DZANK1: variants seen among roughly 807,000 people sequenced by gnomAD.
DZANK1 encodes the protein double zinc ribbon and ankyrin repeat domains 1.
Under a neutral mutation model 94.5 loss-of-function variants are expected in DZANK1, and 91 were observed. The ratio of observed to expected loss-of-function variants is 0.96; its 90% CI spans 0.81 to 1.15. DZANK1 has a LOEUF of 1.15. Among genes scored for constraint, DZANK1 ranks in the 50% most tolerant of loss-of-function variants. DZANK1 has a pLI of 0.00. For synonymous variants in DZANK1, 312 were observed against 325.3 expected (o/e 0.96, Z 0.44); for missense variants, 903 against 916.4 (o/e 0.99, Z 0.19).
intron 7 of DZANK1, among the ~76,000 whole-genome samples, chr20:18,444,468 A>G (rs2058811246): frequency 6.6e-6 from 1 of 152,214 alleles, no homozygotes; most frequent in African/African-American, 2.4e-5. Flanking sequence ...AGCTGCAGGG[A>G]GAGTTTCAGA....
chr20:18,398,803 T>G (rs561024999), intron 13 of DZANK1, among the ~76,000 whole-genome samples, 177 bp from the exon 14 acceptor site: 1 of 152,346 alleles, frequency 6.6e-6, no homozygotes, highest in South Asian at 2.1e-4. Flanking sequence ...CCTCCATAAC[T>G]GCTTGTTACA....
chr20:18,450,801 G>A (rs1037727504), intron 6 of DZANK1, among the ~76,000 whole-genome samples: 8 of 152,172 alleles, frequency 5.3e-5, no homozygotes, highest in African/African-American at 1.9e-4. Flanking sequence ...AGGGCTCCTG[G>A]GTTGCCCTTA....
chr20:18,396,624 G>T, intron 14 of DZANK1, 78 bp from the exon 15 acceptor site: 3 of 999,452 alleles, frequency 3.0e-6, no homozygotes, highest in South Asian at 1.7e-5. Context: ...TACAAATTCT[G>T]AGATGTCAAA....
intron 13 of DZANK1, among the ~76,000 whole-genome samples, chr20:18,407,927 A>G (rs1349457454): frequency 6.6e-6 from 1 of 152,228 alleles, no homozygotes; most frequent in Non-Finnish European, 1.5e-5. Flanking sequence ...GCACACCTAT[A>G]AGATCTAGAA....
chr20:18,418,147 T>G (rs1156655614), intron 10 of DZANK1, among the ~76,000 whole-genome samples: 1 of 151,362 alleles, frequency 6.6e-6, no homozygotes, highest in South Asian at 2.1e-4. Context: ...GCAGGTAGAG[T>G]TGCAGCAAGT....
intron 7 of DZANK1, 72 bp downstream of exon 7, chr20:18,448,912 T>C (rs960522901): frequency 8.8e-5 from 106 of 1,206,334 alleles, no homozygotes; most frequent in Non-Finnish European, 1.1e-4. Flanking sequence ...AAATGTCGTA[T>C]CTTTAAATTC....
At chr20:18,392,617 G>T (rs1412987000) in intron 17 of DZANK1, among the ~76,000 whole-genome samples, 1 of 152,200 alleles carries the variant, frequency 6.6e-6, no homozygotes, top group Non-Finnish European at 1.5e-5. Flanking sequence ...GGAGCAGGTG[G>T]CATCCACTGC....
At chr20:18,451,638 C>T (rs549008640) in intron 6 of DZANK1, among the ~76,000 whole-genome samples, 7 of 152,232 alleles carry the variant, frequency 4.6e-5, no homozygotes, top group Admixed American at 3.3e-4. Flanking sequence ...TACTCAACAC[C>T]TCCACTTGGA....
chr20:18,452,334 C>G (rs1266915466), intron 6 of DZANK1, among the ~76,000 whole-genome samples: 1 of 152,170 alleles, frequency 6.6e-6, no homozygotes, highest in Non-Finnish European at 1.5e-5. Context: ...CCTCTGAGAA[C>G]CACTGCTCTA....
chr20:18,398,743 T>A, intron 13 of DZANK1, 117 bp from the exon 14 acceptor site: 1 of 989,092 alleles, frequency 1.0e-6, no homozygotes, highest in Middle Eastern at 2.1e-4. Context: ...AACTTTGTGA[T>A]GGACTTTCCT....
intron 2 of DZANK1, 66 bp downstream of exon 2, chr20:18,465,184 C>T (rs1434498936): frequency 1.8e-6 from 2 of 1,093,082 alleles, no homozygotes; most frequent in South Asian, 1.5e-5. Context: ...GATAAACCAG[C>T]AACCAGATAA....
intron 13 of DZANK1, among the ~76,000 whole-genome samples, chr20:18,410,218 T>G (rs1357896546): frequency 6.6e-6 from 1 of 152,126 alleles, no homozygotes; most frequent in African/African-American, 2.4e-5. Flanking sequence ...TGTAACAGTG[T>G]TTTGAGAGTT....
At chr20:18,387,654 C>T (rs776331979) in intron 19 of DZANK1, among the ~76,000 whole-genome samples, 3 of 152,180 alleles carry the variant, frequency 2.0e-5, no homozygotes, top group African/African-American at 4.8e-5. Flanking sequence ...GCCTGTGTTT[C>T]TGAAATTTGC....
chr20:18,403,796 CTTTTTTTTT>C (rs35824877), intron 13 of DZANK1, among the ~76,000 whole-genome samples: 1 of 111,740 alleles, frequency 8.9e-6, no homozygotes, highest in Non-Finnish European at 1.8e-5. Flanking sequence ...AACTTTCTTT[CTTTTTTTTT>C]TTTTTTTTTT....
chr20:18,428,010 G>A (rs2058121252), intron 9 of DZANK1, among the ~76,000 whole-genome samples: 1 of 151,658 alleles, frequency 6.6e-6, no homozygotes, highest in Non-Finnish European at 1.5e-5. Flanking sequence ...AATTAGCCGA[G>A]TGTGGTGGTG....
chr20:18,443,203 A>G lies in DZANK1; in HGVS notation c.747+144T>C, dbSNP rs1397462224. The stretch of plus-strand genomic sequence containing the variant: ...CAAGTAAGTTTTTCCATGCTTAAGT[A>G]GGAGTGTGTAAGAGTTCAATCAGCC... On this transcript the variant is annotated intron_variant, in intron 8 of 20. Transcript: ENST00000262547. 6.2e-6 allele frequency: 4 copies of G among 641,446 alleles called. No individual in the cohort carries two copies. In the Admixed American group the frequency reaches 1.1e-4, roughly 18 times the overall value. 39.7% of individuals were successfully genotyped at this position (641,446 alleles called of 1,614,324 possible). A position where few individuals can be genotyped will look rare whatever the true frequency, so the allele number is the denominator to read the frequency against.
At chr20:18,389,569 C>G in intron 19 of DZANK1, 132 bp downstream of exon 19, 2 of 1,327,742 alleles carry the variant, frequency 1.5e-6, no homozygotes, top group South Asian at 3.0e-5. Flanking sequence ...CTTATTAAAG[C>G]TGAAATAGGT....
intron 10 of DZANK1, among the ~76,000 whole-genome samples, chr20:18,426,603 C>T (rs971282905): frequency 2.0e-5 from 3 of 152,166 alleles, no homozygotes; most frequent in African/African-American, 4.8e-5. Context: ...TGCATATACT[C>T]GTATTTCTTC....
chr20:18,433,896 G>A (rs2058392982), intron 8 of DZANK1, 131 bp from the exon 9 acceptor site: 1 of 736,628 alleles, frequency 1.4e-6, no homozygotes, highest in Non-Finnish European at 2.2e-6. Flanking sequence ...TCAAAACCTA[G>A]GCAGGTCGGG....
Sources: allele counts gnomAD v4.1 joint callset (sites outside exome capture counted in the v4.1 genomes callset), GRCh38; gene constraint gnomAD v4.1.1; transcripts MANE v1.5; gene names NCBI Gene and HGNC (gene_info 2026-07-23, HGNC 2026-07-21).